ROR1: variants seen among roughly 807,000 people sequenced by gnomAD.
The protein encoded by ROR1 is inactive tyrosine-protein kinase transmembrane receptor ROR1.
A neutral mutation model predicts 78.8 loss-of-function variants in ROR1; 19 were observed. The observed-to-expected ratio is 0.24, with a 90% CI of 0.17 to 0.35. The LOEUF is 0.35. ROR1 is among the 10% of genes least tolerant of loss of function. The pLI is 1.00. For synonymous variants in ROR1, 386 were observed against 433.6 expected, an observed-to-expected ratio of 0.89 and a Z score of 1.36; for missense variants, 917 against 1,177.8, an observed-to-expected ratio of 0.78 and a Z score of 3.24.
intron 1 of ROR1, among the ~76,000 whole-genome samples, chr1:63,975,415 AT>A (rs554285613): frequency 1.3e-5 from 2 of 152,146 alleles, no homozygotes; most frequent in East Asian, 1.9e-4. Flanking sequence ...TGAAACCTGG[AT>A]TTTTTTTATA....
chr1:63,893,061 G>A (rs1645410486), intron 1 of ROR1, among the ~76,000 whole-genome samples: 2 of 152,180 alleles, frequency 1.3e-5, no homozygotes, highest in South Asian at 4.1e-4. Flanking sequence ...GCCGCAGAGG[G>A]TGCGGTTTCC....
At chr1:63,859,622 C>T (rs1283779528) in intron 1 of ROR1, among the ~76,000 whole-genome samples, 3 of 152,124 alleles carry the variant, frequency 2.0e-5, no homozygotes, top group African/African-American at 7.2e-5. Flanking sequence ...CGGGGTCAGT[C>T]GCCTGCCAGT....
rs1646734253 is a variant in ROR1, at chr1:64,040,095, T to C, written c.164-9596T>C. Among the ~76,000 whole-genome samples, 6 of 152,340 alleles carry C rather than the reference T, an allele frequency of 3.9e-5. 1 individual carries two copies. In the South Asian group the frequency reaches 1.2e-3, roughly 32 times the overall value. On this transcript the variant is annotated intron_variant, in intron 2 of 8. Transcript: ENST00000371079. The stretch of plus-strand genomic sequence containing the variant: ...TTCAAGTGACTTCTTGGAATGTAGA[T>C]GTACCCTAAACCTAAAGAGTTGTTA...
At chr1:64,036,079 C>T (rs1646699909) in intron 2 of ROR1, among the ~76,000 whole-genome samples, 1 of 152,152 alleles carries the variant, frequency 6.6e-6, no homozygotes, top group South Asian at 2.1e-4. Context: ...GGGAACAAAC[C>T]TCAGAGATCT....
intron 1 of ROR1, among the ~76,000 whole-genome samples, chr1:63,846,118 ATGTGTGTG>A (rs71056009): frequency 0.055 from 7,555 of 136,200 alleles, 220 homozygotes; most frequent in Middle Eastern, 0.1. Context: ...GAGAGAGAGA[ATGTGTGTG>A]TGTGTGTGTG....
At chr1:64,126,529 C>T (rs540429808) in intron 4 of ROR1, among the ~76,000 whole-genome samples, 1 of 152,200 alleles carries the variant, frequency 6.6e-6, no homozygotes, top group South Asian at 2.1e-4. Context: ...CTAGAGTAAC[C>T]ATAAAAGGTT....
At chr1:64,142,887 T>G in intron 7 of ROR1, 1 of 1,354,872 alleles carries the variant, frequency 7.4e-7, no homozygotes, top group African/African-American at 1.5e-5. Flanking sequence ...CTCATGGATG[T>G]AACAGGGACC....
At chr1:63,833,632 G>C (rs1256668262) in intron 1 of ROR1, among the ~76,000 whole-genome samples, 1 of 152,112 alleles carries the variant, frequency 6.6e-6, no homozygotes, top group African/African-American at 2.4e-5. Flanking sequence ...AGTCAAGCAC[G>C]GGTTTGGAGG....
intron 1 of ROR1, among the ~76,000 whole-genome samples, chr1:63,929,918 A>G (rs955929831): frequency 9.9e-5 from 15 of 152,236 alleles, no homozygotes; most frequent in African/African-American, 3.6e-4. Context: ...CTTAACAACT[A>G]GATTAATCTG....
At chr1:64,144,560 G>T (rs1238713187) in intron 7 of ROR1, among the ~76,000 whole-genome samples, 2 of 152,194 alleles carry the variant, frequency 1.3e-5, no homozygotes, top group Non-Finnish European at 2.9e-5. Context: ...CAGATCCTAT[G>T]TGAGACACCT....
intron 2 of ROR1, among the ~76,000 whole-genome samples, chr1:64,021,086 C>G (rs536039122): frequency 8.6e-5 from 13 of 151,850 alleles, no homozygotes; most frequent in African/African-American, 2.9e-4. Flanking sequence ...AAGTTCAAAT[C>G]CCCGCATACC....
At chr1:64,037,568 T>C (rs1433204605) in intron 2 of ROR1, among the ~76,000 whole-genome samples, 1 of 152,120 alleles carries the variant, frequency 6.6e-6, no homozygotes, top group Non-Finnish European at 1.5e-5. Context: ...AATAAGACCG[T>C]GATGAAAAGA....
At chr1:63,989,144 C>T (rs1646274232) in intron 1 of ROR1, among the ~76,000 whole-genome samples, 1 of 147,610 alleles carries the variant, frequency 6.8e-6, no homozygotes, top group African/African-American at 2.6e-5. Flanking sequence ...ACATTTTTGC[C>T]AACACTTGTC....
chr1:63,952,940 C>G (rs546393470), intron 1 of ROR1, among the ~76,000 whole-genome samples: 1 of 152,236 alleles, frequency 6.6e-6, no homozygotes, highest in Admixed American at 6.5e-5. Flanking sequence ...AGCAAACACA[C>G]TGTTTTTACT....
intron 4 of ROR1, among the ~76,000 whole-genome samples, chr1:64,079,304 G>C (rs1160884657): frequency 6.6e-6 from 1 of 152,170 alleles, no homozygotes; most frequent in Non-Finnish European, 1.5e-5. Context: ...ATCTGCCAAG[G>C]ATGTTGTGCT....
intron 4 of ROR1, among the ~76,000 whole-genome samples, chr1:64,077,054 T>C (rs1647055881): frequency 6.6e-6 from 1 of 152,202 alleles, no homozygotes; most frequent in Admixed American, 6.5e-5. Context: ...CCTCCTCATA[T>C]GGCTGTTATA....
chr1:63,840,744 A>T (rs1645044514), intron 1 of ROR1, among the ~76,000 whole-genome samples: 1 of 152,080 alleles, frequency 6.6e-6, no homozygotes, highest in African/African-American at 2.4e-5. Flanking sequence ...TTGGCATCAG[A>T]CTCTGGAGCC....
intron 4 of ROR1, among the ~76,000 whole-genome samples, chr1:64,078,571 G>C (rs748727947): frequency 1.3e-5 from 2 of 152,092 alleles, no homozygotes; most frequent in African/African-American, 2.4e-5. Context: ...CTATTCCTAG[G>C]GTAGGCTATG....
chr1:63,899,366 C>T (rs902274868), intron 1 of ROR1, among the ~76,000 whole-genome samples: 5 of 152,204 alleles, frequency 3.3e-5, no homozygotes, highest in Non-Finnish European at 7.3e-5. Context: ...GCCATATACA[C>T]AGTGGAATCT....
Sources: gnomAD v4.1 joint callset for allele counts (sites outside exome capture counted in the v4.1 genomes callset) on GRCh38, gnomAD v4.1.1 for gene constraint, MANE v1.5 for transcripts, NCBI Gene and HGNC (gene_info 2026-07-23, HGNC 2026-07-21) for gene names.